The following ZFHX4 variants were observed in gnomAD, a reference collection of about 807,000 sequenced individuals.
ZFHX4 encodes zinc finger homeobox protein 4.
Under a neutral mutation model 267.6 loss-of-function variants are expected in ZFHX4, and 56 were observed. The observed-to-expected ratio is 0.21, with a 90% CI of 0.17 to 0.26. The LOEUF (loss-of-function observed/expected upper bound fraction) is 0.26. Ranked by LOEUF, ZFHX4 falls within the 10% of genes least tolerant of loss-of-function variation. ZFHX4 has a pLI of 1.00. For missense variants in ZFHX4, 4,332 were observed against 4,420.0 expected, an observed-to-expected ratio of 0.98 and a Z score of 0.56; for synonymous variants, 1,778 against 1,665.6, an observed-to-expected ratio of 1.07 and a Z score of -1.64.
At chr8:76,794,034 A>T in intron 4 of ZFHX4, among the ~76,000 whole-genome samples, 1 of 152,290 alleles carries the variant, frequency 6.6e-6, no homozygotes, top group South Asian at 2.1e-4. Flanking sequence ...CCCAACAAGC[A>T]TTTTAAGTAT....
intron 4 of ZFHX4, among the ~76,000 whole-genome samples, chr8:76,795,849 T>G (rs1435379402): frequency 6.6e-6 from 1 of 152,196 alleles, no homozygotes; most frequent in Non-Finnish European, 1.5e-5. Context: ...ATTGAATATT[T>G]GCATGTTTTT....
rs113880836 is a variant in ZFHX4, at chr8:76,856,083, G to T, written c.9162G>T (p.Thr3054=). The change falls in exon 10 of 11, where the codon ACG becomes ACT. Residue 3054 remains threonine, a synonymous_variant. Coordinates refer to ENST00000651372, the MANE Select transcript of ZFHX4 (RefSeq NM_024721.5). ...AGAAAGATTACTTGGCTCCGACCAC[G>T]GTTCGGCAGCTGATGGCACAGCAAG... ...DREKDYLAPT[T]VRQLMAQQEL... is the part of the protein sequence containing the mutation. 6.2e-7 allele frequency: 1 copy of T among 1,613,964 alleles called. No individual in the cohort carries two copies. Among genetic ancestry groups the T allele is most frequent in the South Asian group, 1.1e-5 (1 of 91,084 alleles).
chr8:76,699,668 T>G (rs761577076), intron 1 of ZFHX4, among the ~76,000 whole-genome samples: 1 of 151,778 alleles, frequency 6.6e-6, no homozygotes, highest in Non-Finnish European at 1.5e-5. Context: ...GAATTCCAAC[T>G]TGGGTAAAAG....
In ZFHX4 at chr8:76,853,091, C is replaced by G. The variant is rs200704587; in HGVS notation, c.6170C>G (p.Pro2057Arg). 63 of 1,493,670 alleles carry G rather than the reference C, an allele frequency of 4.2e-5. No individual in the cohort carries two copies. The highest frequency in any genetic ancestry group is 1.7e-4 in the Middle Eastern group (1 of 5,764). 92.5% of individuals were successfully genotyped at this position (1,493,670 alleles called of 1,614,324 possible). Residue 2057 changes from proline (P) to arginine (R), a missense_variant, in exon 10 of 11, where the codon CCA (proline) becomes CGA (arginine). Coordinates refer to ENST00000651372, the MANE Select transcript of ZFHX4 (RefSeq NM_024721.5). ...PPPPPPPPPPPPPPPSAPPQV... is the reference protein window; with the variant it reads ...PPPPPPPPPPRPPPPSAPPQV... ...CCTCCTCCTCCTCCTCCTCCCCCCC[C>G]ACCTCCTCCACCTTCTGCTCCTCCA...
chr8:76,797,608 ACTTGCGTTAATCAACTTGTT>A (rs1811010807), intron 4 of ZFHX4, among the ~76,000 whole-genome samples: 1 of 152,172 alleles, frequency 6.6e-6, no homozygotes, highest in African/African-American at 2.4e-5. Flanking sequence ...CAGCCCTTTT[ACTTGCGTTAATCAACTTGTT>A]CTGCTGAACA....
At chr8:76,697,125 G>C (rs1216606413) in intron 1 of ZFHX4, among the ~76,000 whole-genome samples, 5 of 151,950 alleles carry the variant, frequency 3.3e-5, no homozygotes, top group Admixed American at 1.3e-4. Context: ...AGATCATATT[G>C]GTAGCAATTG....
At chr8:76,812,963 G>A (rs546607468) in intron 4 of ZFHX4, among the ~76,000 whole-genome samples, 2 of 152,268 alleles carry the variant, frequency 1.3e-5, no homozygotes, top group South Asian at 2.1e-4. Flanking sequence ...GTTTAAGATA[G>A]TGATGGCAGC....
chr8:76,817,202 T>A (rs1423697622), intron 4 of ZFHX4, among the ~76,000 whole-genome samples: 1 of 152,070 alleles, frequency 6.6e-6, no homozygotes, highest in Non-Finnish European at 1.5e-5. Context: ...TAACTGCAAT[T>A]CCTGTGCTTA....
intron 3 of ZFHX4, among the ~76,000 whole-genome samples, chr8:76,766,548 T>C (rs1181781037): frequency 1.3e-5 from 2 of 152,120 alleles, no homozygotes; most frequent in Non-Finnish European, 2.9e-5. Context: ...TTTGTGGCCT[T>C]GGGCTGCATG....
Position 76,854,644 on chromosome 8 carries a change from G to A in ZFHX4, c.7723G>A (p.Ala2575Thr). 6.2e-7 allele frequency: 1 copy of A among 1,613,724 alleles called. No homozygotes were observed. Residue 2575 changes from alanine to threonine, a missense_variant, in exon 10 of 11, where the codon GCT (alanine) becomes ACT (threonine). Ala to Thr is a moderately conservative substitution (Grantham distance 58). This residue lies in a region of ZFHX4 where 1,648 missense variants were observed against 1,625.0 expected (regional missense o/e 1.01). Coordinates refer to ENST00000651372, the MANE Select transcript of ZFHX4 (RefSeq NM_024721.5). ...CCACACCACAGCCCCCACAACGGTT[G>A]CTGCTTCCCTAAAAAGGAAACTAGA... Reference protein sequence around the residue: ...SSHTTAPTTVAASLKRKLDDK... With the variant: ...SSHTTAPTTVTASLKRKLDDK...
At chr8:76,797,903 T>A (rs1811021274) in intron 4 of ZFHX4, among the ~76,000 whole-genome samples, 1 of 151,658 alleles carries the variant, frequency 6.6e-6, no homozygotes, top group Non-Finnish European at 1.5e-5. Context: ...TGTGTGTGTG[T>A]GTGTGTGTGT....
chr8:76,681,733 C>T (rs911635000), intron 1 of ZFHX4, 113 bp downstream of exon 1: 1 of 343,180 alleles, frequency 2.9e-6, no homozygotes, highest in African/African-American at 2.1e-5. Flanking sequence ...CCCTCTCTCT[C>T]CCTCTCCGCC....
In ZFHX4 at chr8:76,796,059, T is replaced by C. The variant is rs116922327; in HGVS notation, c.3325+17620T>C. Among the ~76,000 whole-genome samples the C allele has an allele frequency of 5.0e-3, 766 of 152,242 alleles. 6 individuals carry two copies. Among genetic ancestry groups the C allele is most frequent in the Non-Finnish European group, 8.4e-3 (570 of 68,018 alleles). ...GTTTAAATCAGGAGAGAAATATTAATTTATAGAAAGTATATTTGGGGATGG... is the reference window on the plus strand; with the variant it reads ...GTTTAAATCAGGAGAGAAATATTAACTTATAGAAAGTATATTTGGGGATGG... On this transcript the variant is annotated intron_variant, in intron 4 of 10. Transcript: ENST00000651372.
intron 3 of ZFHX4, among the ~76,000 whole-genome samples, chr8:76,736,665 T>G (rs1284266193): frequency 1.3e-5 from 2 of 152,120 alleles, no homozygotes; most frequent in African/African-American, 4.8e-5. Flanking sequence ...GCCAGATAAT[T>G]TCTAGCCATT....
intron 4 of ZFHX4, among the ~76,000 whole-genome samples, chr8:76,779,132 C>T (rs1167370587): frequency 6.6e-6 from 1 of 152,044 alleles, no homozygotes; most frequent in Non-Finnish European, 1.5e-5. Flanking sequence ...TAAAACTACC[C>T]ATATTGGAAT....
In ZFHX4 at chr8:76,705,145, C is replaced by A. The variant is rs1808216376; in HGVS notation, c.1057C>A (p.Leu353Ile). ...TTATCCCCATTTTTCTACTACAAAC[C>A]TCATAGGACCCGATCCAACCTTCCG... is the stretch of plus-strand genomic sequence containing the variant. ...SVYPHFSTTN[L>I]IGPDPTFRGL... Residue 353 changes from leucine (L) to isoleucine (I), a missense_variant, in exon 2 of 11, where the codon CTC becomes ATC. Physicochemically the swap from Leu to Ile is conservative, Grantham distance 5. Around this residue, in one of 7 missense-constraint regions of ZFHX4, gnomAD observed 1,195 missense variants for 1,173.6 expected, o/e 1.02. Coordinates refer to ENST00000651372, the MANE Select transcript of ZFHX4 (RefSeq NM_024721.5). 6.2e-6 allele frequency: 10 copies of A among 1,613,832 alleles called. No homozygotes were observed. The highest frequency in any genetic ancestry group is 8.5e-6 in the Non-Finnish European group (10 of 1,179,884).
chr8:76,790,104 T>A (rs1269271735), intron 4 of ZFHX4, among the ~76,000 whole-genome samples: 1 of 152,164 alleles, frequency 6.6e-6, no homozygotes, highest in Non-Finnish European at 1.5e-5. Flanking sequence ...GTTCTGTACA[T>A]CTGAATGTGG....
intron 3 of ZFHX4, among the ~76,000 whole-genome samples, chr8:76,739,700 T>C (rs1056126511): frequency 1.3e-5 from 2 of 152,178 alleles, no homozygotes; most frequent in Non-Finnish European, 2.9e-5. Flanking sequence ...CATGTTGTTA[T>C]AGGCATTCTT....
intron 3 of ZFHX4, among the ~76,000 whole-genome samples, chr8:76,725,674 C>G (rs1279208784): frequency 5.3e-5 from 8 of 152,062 alleles, no homozygotes; most frequent in African/African-American, 1.9e-4. Flanking sequence ...TCTTGCCCTC[C>G]CTTATTTTAG....
Sources: allele counts gnomAD v4.1 joint callset (sites outside exome capture counted in the v4.1 genomes callset), GRCh38; gene constraint gnomAD v4.1.1; regional missense constraint gnomAD v4.1.1; transcripts MANE v1.5; gene names NCBI Gene and HGNC (gene_info 2026-07-23, HGNC 2026-07-21).